The following SAR1A variants were observed in gnomAD, a reference collection of about 807,000 sequenced individuals.
SAR1A encodes secretion associated Ras related GTPase 1A.
Under a neutral mutation model 22.6 loss-of-function variants are expected in SAR1A, and 6 were observed. That is an observed-to-expected ratio of 0.27 (90% CI 0.15 to 0.52). The LOEUF (loss-of-function observed/expected upper bound fraction) is 0.52, where lower values mean the gene tolerates loss of function less well. Ranked by LOEUF, SAR1A falls within the 20% of genes least tolerant of loss-of-function variation. The pLI, the probability that SAR1A is intolerant of heterozygous loss-of-function variation, is 0.96. For missense variants in SAR1A, 145 were observed against 245.1 expected (o/e 0.59, Z 2.73); for synonymous variants, 70 against 82.2 (o/e 0.85, Z 0.80).
intron 4 of SAR1A, 23 bp from the exon 5 acceptor site, chr10:70,157,890 G>C: frequency 6.7e-7 from 1 of 1,483,736 alleles, no homozygotes; most frequent in Non-Finnish European, 9.4e-7. Context: ...GTTTGTAGTT[G>C]CATGAGTAAA....
intron 4 of SAR1A, among the ~76,000 whole-genome samples, chr10:70,159,405 T>C (rs1839435844): frequency 6.6e-6 from 1 of 152,180 alleles, no homozygotes; most frequent in African/African-American, 2.4e-5. Context: ...TTTTAAAAAC[T>C]GTATTAGGCT....
intron 1 of SAR1A, among the ~76,000 whole-genome samples, chr10:70,167,034 G>C (rs972787664): frequency 6.6e-6 from 1 of 151,938 alleles, no homozygotes; most frequent in African/African-American, 2.4e-5. Context: ...ATACTTTTCA[G>C]GATATAGCAG....
chr10:70,157,860 G>A lies in SAR1A; in HGVS notation c.252C>T (p.Arg84=), dbSNP rs764244107. Residue 84 remains arginine, a synonymous_variant, in exon 5 of 7, where the codon CGC becomes CGT. Transcript: ENST00000373241. ...FDLGGHEQAR[R]VWKNYLPAIN... Reference sequence around the variant, plus strand: ...TTGCTGGGAGATAATTTTTCCAAACGCGACGTGCTAAAAAACAAAGTTTGT... The same window carrying A: ...TTGCTGGGAGATAATTTTTCCAAACACGACGTGCTAAAAAACAAAGTTTGT... 5.6e-6 allele frequency: 9 copies of A among 1,611,886 alleles called. No individual in the cohort carries two copies. Among genetic ancestry groups the A allele is most frequent in the South Asian group, 3.3e-5 (3 of 90,714 alleles).
At position 70,156,002 on chromosome 10, in the gene SAR1A, A is replaced by G. The variant is rs79821687; in HGVS notation, c.348+1762T>C. 7.7e-3 allele frequency among the ~76,000 whole-genome samples: 1,167 copies of G among 152,336 alleles called. 15 individuals carry two copies. The highest frequency in any genetic ancestry group is 0.025 in the South Asian group (123 of 4,826). On this transcript the variant is annotated intron_variant, in intron 5 of 6. Transcript: ENST00000373241. ...AAAGTTCCTTCTAGCATTATGGTGC[A>G]TATCAGGGTCATGGTAGGATTTATA...
At chr10:70,167,296 C>T (rs952767919) in intron 1 of SAR1A, 1 of 152,016 alleles carries the variant, frequency 6.6e-6, no homozygotes, top group African/African-American at 2.4e-5. Flanking sequence ...AAGGTCCACA[C>T]TTTTACTCCT....
At chr10:70,165,373 G>A (rs1192602865) in intron 1 of SAR1A, among the ~76,000 whole-genome samples, 2 of 152,126 alleles carry the variant, frequency 1.3e-5, no homozygotes, top group African/African-American at 4.8e-5. Flanking sequence ...CTGGAAAGGA[G>A]TCACCATTCT....
chr10:70,160,971 A>T (rs774872637), intron 4 of SAR1A, 33 bp downstream of exon 4: 44 of 1,544,024 alleles, frequency 2.8e-5, no homozygotes, highest in Non-Finnish European at 3.6e-5. Flanking sequence ...AAAATAAGTC[A>T]ATAAACATGC....
intron 1 of SAR1A, among the ~76,000 whole-genome samples, chr10:70,162,323 G>A (rs965237177): frequency 2.0e-5 from 3 of 147,714 alleles, no homozygotes; most frequent in African/African-American, 5.1e-5. Flanking sequence ...GGGCAACAGA[G>A]GGAGACTCTG....
rs760506525 is a variant in SAR1A at position 70,157,800 on chromosome 10, A to G, written c.312T>C (p.Asp104=). 27 of 1,613,900 alleles carry G rather than the reference A, an allele frequency of 1.7e-5. No individual in the cohort carries two copies. The highest frequency in any genetic ancestry group is 2.2e-5 in the Non-Finnish European group (26 of 1,179,902). ...NGIVFLVDCA[D]HSRLVESKVE... Reference sequence around the variant, plus strand: ...CTTTGGATTCCACGAGGCGAGAATGATCTGCACAGTCCACCAGAAAGACAA... The same window carrying G: ...CTTTGGATTCCACGAGGCGAGAATGGTCTGCACAGTCCACCAGAAAGACAA... Residue 104 remains aspartate, a synonymous_variant, in exon 5 of 7, where the codon GAT becomes GAC. Transcript: ENST00000373241.
rs200741621 is a variant in SAR1A, at chr10:70,161,776, A to G, written c.59-38T>C. On this transcript the variant is annotated intron_variant, in intron 2 of 6. Transcript: ENST00000373241. ...AAAATTGTTAACACATTTGCTCTCT[A>G]CAGACCAAAGCCTATTTGTAGTTAA... is the stretch of plus-strand genomic sequence containing the variant. The G allele has an allele frequency of 3.2e-5, 52 of 1,613,696 alleles. No individual in the cohort carries two copies. The Middle Eastern group carries it at 5.0e-4, about 15-fold the overall frequency.
intron 1 of SAR1A, chr10:70,163,882 C>T: frequency 6.3e-7 from 1 of 1,598,540 alleles, no homozygotes; most frequent in Non-Finnish European, 8.6e-7. Context: ...ATTGACTTCC[C>T]TGAATTTCTG....
chr10:70,153,969 C>T lies in SAR1A; in HGVS notation c.349G>A (p.Ala117Thr), dbSNP rs978177697. 6.5e-7 allele frequency: 1 copy of T among 1,549,382 alleles called. No individual in the cohort carries two copies. Among genetic ancestry groups the T allele is most frequent in the Non-Finnish European group, 8.7e-7 (1 of 1,154,900 alleles). ...GATATTGTTTCATCAGTCATTAAAGCCTAAAGATTGAAAAAAAAGAAAAAA... is the reference window on the plus strand; with the variant it reads ...GATATTGTTTCATCAGTCATTAAAGTCTAAAGATTGAAAAAAAAGAAAAAA... ...RLVESKVELNALMTDETISNV... is the reference protein window; with the variant it reads ...RLVESKVELNTLMTDETISNV... Residue 117 changes from alanine to threonine, a missense_variant and splice_region_variant, in exon 6 of 7, where the codon GCT (alanine) becomes ACT (threonine). This residue lies in a region of SAR1A where 83 missense variants were observed against 114.7 expected (regional missense o/e 0.72). Transcript: ENST00000373241.
chr10:70,165,048 G>A (rs1222466631), intron 1 of SAR1A, among the ~76,000 whole-genome samples: 2 of 151,974 alleles, frequency 1.3e-5, no homozygotes, highest in Non-Finnish European at 1.5e-5. Flanking sequence ...GGCGGATCAC[G>A]AGGTCAGGAG....
At chr10:70,162,016 G>T in intron 1 of SAR1A, 85 bp from the exon 2 acceptor site, 1 of 966,650 alleles carries the variant, frequency 1.0e-6, no homozygotes. Context: ...CCCTAGCCAT[G>T]ATGCACATTT....
chr10:70,160,470 G>C (rs1355263180), intron 4 of SAR1A, among the ~76,000 whole-genome samples: 1 of 152,152 alleles, frequency 6.6e-6, no homozygotes, highest in Non-Finnish European at 1.5e-5. Context: ...GTATTATGTA[G>C]GGAGGAGGAG....
intron 1 of SAR1A, chr10:70,166,953 TTG>T (rs1320358548): frequency 2.6e-5 from 4 of 152,102 alleles, no homozygotes; most frequent in South Asian, 2.1e-4. Context: ...TGAGCTATGA[TTG>T]TGTCACTGCA....
chr10:70,170,329 G>A (rs992892631), intron 1 of SAR1A, 84 bp downstream of exon 1: 2 of 134,284 alleles, frequency 1.5e-5, no homozygotes, highest in Admixed American at 1.5e-4. Flanking sequence ...CCCCGCCAGG[G>A]CCAGCCTCCG....
intron 1 of SAR1A, among the ~76,000 whole-genome samples, chr10:70,167,167 C>G (rs1839565019): frequency 6.6e-6 from 1 of 151,986 alleles, no homozygotes; most frequent in Non-Finnish European, 1.5e-5. Flanking sequence ...GCAAAATGAC[C>G]TCTGAATGAA....
rs1046248606 is a variant in SAR1A, at chr10:70,165,614, G to T, written c.-16-3683C>A. On this transcript the variant is annotated intron_variant, in intron 1 of 6. Coordinates refer to ENST00000373241, the MANE Select transcript of SAR1A (RefSeq NM_020150.5). ...TCATGATCAAACTAATGGATAAAGA[G>T]ATGCTTCTTATGGATAAGCAAAAAA... Among the ~76,000 whole-genome samples, 8 of 152,214 alleles carry T rather than the reference G, an allele frequency of 5.3e-5. No homozygotes were observed. The East Asian group carries it at 1.5e-3, about 29-fold the overall frequency.
Sources: allele counts gnomAD v4.1 joint callset (sites outside exome capture counted in the v4.1 genomes callset), GRCh38; gene constraint gnomAD v4.1.1; regional missense constraint gnomAD v4.1.1; transcripts MANE v1.5; gene names NCBI Gene and HGNC (gene_info 2026-07-23, HGNC 2026-07-21).